The following KLHDC4 variants were observed in gnomAD, a reference collection of about 807,000 sequenced individuals.
KLHDC4 encodes the protein kelch domain containing 4.
In KLHDC4, 90 loss-of-function variants were observed where a neutral mutation model predicts 62.4. The observed-to-expected ratio is 1.44, with a 90% confidence interval of 1.22 to 1.72. The LOEUF (loss-of-function observed/expected upper bound fraction) is 1.72. Ranked by LOEUF, KLHDC4 falls within the 40% of genes most tolerant of loss-of-function variation. The probability of loss-of-function intolerance (pLI) is 0.00; values close to 1 mark genes in which losing one functional copy is unlikely to be tolerated. For synonymous variants in KLHDC4, 386 were observed against 284.4 expected, an observed-to-expected ratio of 1.36 and a Z score of -3.59; for missense variants, 1,025 against 699.7, an observed-to-expected ratio of 1.47 and a Z score of -5.25.
intron 5 of KLHDC4, among the ~76,000 whole-genome samples, chr16:87,732,102 T>TTC (rs1555573576): frequency 1.3e-5 from 2 of 149,724 alleles, no homozygotes; most frequent in Admixed American, 6.6e-5. Context: ...TATTTCTTTT[T>TTC]TTTTTTTTTT....
At chr16:87,729,632 C>T (rs2039986719) in intron 6 of KLHDC4, among the ~76,000 whole-genome samples, 1 of 152,224 alleles carries the variant, frequency 6.6e-6, no homozygotes, top group Non-Finnish European at 1.5e-5. Flanking sequence ...ATGAGAGAGC[C>T]CGCAGCTCAC....
chr16:87,756,863 G>C (rs2045027491), intron 2 of KLHDC4, among the ~76,000 whole-genome samples: 2 of 151,802 alleles, frequency 1.3e-5, no homozygotes, highest in African/African-American at 4.8e-5. Flanking sequence ...ACCCAGGCTG[G>C]AGTGCAATGG....
At chr16:87,759,576 G>C (rs917520440) in intron 2 of KLHDC4, among the ~76,000 whole-genome samples, 11 of 152,178 alleles carry the variant, frequency 7.2e-5, no homozygotes, top group African/African-American at 1.4e-4. Flanking sequence ...GAGAAACTCC[G>C]TCTCTACTAA....
exon 1 of KLHDC4, chr16:87,701,003 C>A: frequency 4.7e-6 from 1 of 214,408 alleles, no homozygotes; most frequent in Non-Finnish European, 9.5e-6. Context: ...AAGCGACTGT[C>A]CCCAGGTGCC....
chr16:87,743,344 C>T (rs2042527421), intron 5 of KLHDC4, among the ~76,000 whole-genome samples: 1 of 152,212 alleles, frequency 6.6e-6, no homozygotes, highest in Non-Finnish European at 1.5e-5. Context: ...ATGCTCCCAC[C>T]TCCGTTTCCT....
intron 7 of KLHDC4, among the ~76,000 whole-genome samples, chr16:87,719,719 G>C (rs1597461867): frequency 1.3e-5 from 2 of 150,600 alleles, no homozygotes; most frequent in Non-Finnish European, 1.5e-5. Context: ...GTAGTAAACA[G>C]AATCTGCATG....
At chr16:87,709,715 G>A (rs919204328) in intron 9 of KLHDC4, 48 bp from the exon 10 acceptor site, 31 of 1,504,750 alleles carry the variant, frequency 2.1e-5, no homozygotes, top group Non-Finnish European at 2.5e-5. Context: ...AGCGAGGCAG[G>A]GGTCATTCCT....
intron 7 of KLHDC4, among the ~76,000 whole-genome samples, chr16:87,725,517 C>T (rs149027015): frequency 2.6e-5 from 4 of 152,124 alleles, no homozygotes; most frequent in African/African-American, 4.8e-5. Context: ...ACAGGTGTTC[C>T]CCGTAAAATT....
intron 5 of KLHDC4, among the ~76,000 whole-genome samples, chr16:87,731,442 C>T (rs2040351779): frequency 6.6e-6 from 1 of 150,858 alleles, no homozygotes; most frequent in Admixed American, 6.6e-5. Context: ...TCAGAAAGTT[C>T]GTAAGATAGA....
At chr16:87,738,071 G>A (rs116753131) in intron 5 of KLHDC4, among the ~76,000 whole-genome samples, 2 of 152,186 alleles carry the variant, frequency 1.3e-5, no homozygotes, top group African/African-American at 2.4e-5. Flanking sequence ...TGGAGTCAGA[G>A]AGCTTCAGAC....
At chr16:87,716,324 C>T (rs1349490452) in intron 7 of KLHDC4, among the ~76,000 whole-genome samples, 1 of 151,796 alleles carries the variant, frequency 6.6e-6, no homozygotes, top group Non-Finnish European at 1.5e-5. Flanking sequence ...ACGCTATGGT[C>T]TTGTGGATAT....
chr16:87,707,406 G>A (rs139168324), downstream of KLHDC4, among the ~76,000 whole-genome samples: 95 of 152,308 alleles, frequency 6.2e-4, 1 homozygote, highest in East Asian at 0.015. Context: ...CAGAGACCAC[G>A]CGGCGGCAGG....
At position 87,709,416 on chromosome 16, in the gene KLHDC4, G is replaced by C. The variant is rs752211338; in HGVS notation, c.1296C>G (p.Arg432=). 5 of 1,613,146 alleles carry C rather than the reference G, an allele frequency of 3.1e-6. No homozygotes were observed. In the East Asian group the frequency reaches 1.1e-4, roughly 36 times the overall value. The change falls in exon 10 of 12, where the codon CGC becomes CGG. Residue 432 remains arginine (R), a synonymous_variant. Transcript: ENST00000270583. ...AGSPAPGPCP[R]SNAMLAVKHG... The stretch of plus-strand genomic sequence containing the variant: ...GCTTCACAGCCAGCATGGCGTTGGA[G>C]CGTGGACACGGCCCAGGTGCGGGGC...
Position 87,711,270 on chromosome 16 carries a change from CGTCGTAGAA to C in KLHDC4, c.1000_1008del (p.Phe334_Asp336del). On this transcript the variant is annotated inframe_deletion, in exon 9 of 12. Coordinates refer to ENST00000270583, the MANE Select transcript of KLHDC4 (RefSeq NM_017566.4). ...CCCTCAAACCAACGGTTCCTGGTGG[CGTCGTAGAA>C]GTACAGATCGTTGAAGAACTCGCCC... 1 of 1,614,164 alleles carries C rather than the reference CGTCGTAGAA, an allele frequency of 6.2e-7. No individual in the cohort carries two copies. The highest frequency in any genetic ancestry group is 8.5e-7 in the Non-Finnish European group (1 of 1,180,038).
At chr16:87,713,612 C>G (rs2036325012) in intron 8 of KLHDC4, among the ~76,000 whole-genome samples, 1 of 152,166 alleles carries the variant, frequency 6.6e-6, no homozygotes, top group Non-Finnish European at 1.5e-5. Flanking sequence ...CTTCAGAGGT[C>G]TGTGAGAACT....
intron 6 of KLHDC4, 152 bp from the exon 7 acceptor site, chr16:87,727,076 A>C: frequency 1.3e-6 from 1 of 779,052 alleles, no homozygotes; most frequent in Non-Finnish European, 2.0e-6. Context: ...CAACACAACA[A>C]TCAACACAGA....
rs769670618 is a variant in KLHDC4, at chr16:87,748,771, G to C, written c.408C>G (p.Val136=). ...TGGGAGAGGCAAACTCCCCTCCAAA[G>C]ACCCACAGCTGTCCGCCACCTTGAG... ...VVPQGGGQLW[V]FGGEFASPNG... is the part of the protein sequence containing the mutation. Residue 136 remains valine, a synonymous_variant, in exon 5 of 12, where the codon GTC becomes GTG. Transcript: ENST00000270583. 4 of 1,613,244 alleles carry C rather than the reference G, an allele frequency of 2.5e-6. No homozygotes were observed. In the Admixed American group the frequency reaches 6.7e-5, roughly 27 times the overall value.
rs144363787 is a variant in KLHDC4, at chr16:87,751,445, G to C, written c.370-2636C>G. 9.0e-3 allele frequency among the ~76,000 whole-genome samples: 1,355 copies of C among 150,554 alleles called. 8 individuals carry two copies. The highest frequency in any genetic ancestry group is 0.015 in the Non-Finnish European group (993 of 67,904). ...GCTGAGGTCGCACCACTGCACTCCA[G>C]CCCGGGCAACAGAGCAAGACTTCAT... On this transcript the variant is annotated intron_variant, in intron 4 of 11. Transcript: ENST00000270583.
At chr16:87,752,414 C>T (rs2044153868) in intron 4 of KLHDC4, among the ~76,000 whole-genome samples, 1 of 150,300 alleles carries the variant, frequency 6.7e-6, no homozygotes, top group Non-Finnish European at 1.5e-5. Flanking sequence ...TGGCTCACTG[C>T]AACCTCCAAC....
Sources: gnomAD v4.1 joint callset for allele counts (sites outside exome capture counted in the v4.1 genomes callset) on GRCh38, gnomAD v4.1.1 for gene constraint, MANE v1.5 for transcripts, NCBI Gene and HGNC (gene_info 2026-07-23, HGNC 2026-07-21) for gene names.